The following LPP variants were observed in gnomAD, a reference collection of about 807,000 sequenced individuals.
LPP encodes lipoma-preferred partner.
A neutral mutation model predicts 60.4 loss-of-function variants in LPP; 38 were observed. The observed-to-expected ratio is 0.63, with a 90% confidence interval of 0.49 to 0.83. The LOEUF is 0.83. LPP is among the 40% of genes least tolerant of loss of function. The pLI is 0.00. For synonymous variants in LPP, 328 were observed against 290.8 expected (o/e 1.13, Z -1.30); for missense variants, 902 against 783.6 (o/e 1.15, Z -1.80).
intron 9 of LPP, 123 bp from the exon 10 acceptor site, chr3:188,866,077 A>T (rs987080387): frequency 1.3e-5 from 9 of 673,336 alleles, no homozygotes; most frequent in South Asian, 1.0e-4. Context: ...GTAAATGGTG[A>T]TAAATGCCTT....
chr3:188,319,617 C>CA (rs1391731372), intron 2 of LPP, among the ~76,000 whole-genome samples: 3 of 152,088 alleles, frequency 2.0e-5, no homozygotes, highest in African/African-American at 7.2e-5. Flanking sequence ...TAGCTGGAGG[C>CA]AGTTTAAGGG....
intron 9 of LPP, among the ~76,000 whole-genome samples, chr3:188,843,833 C>T (rs1760777257): frequency 6.6e-6 from 1 of 151,106 alleles, no homozygotes; most frequent in African/African-American, 2.4e-5. Flanking sequence ...TTTCAGTTGC[C>T]CCTGCAGTCC....
intron 7 of LPP, among the ~76,000 whole-genome samples, chr3:188,662,478 T>C (rs1334630770): frequency 2.6e-5 from 4 of 152,254 alleles, no homozygotes; most frequent in Admixed American, 2.6e-4. Context: ...AGAATTTGTT[T>C]CATTTCTGTT....
chr3:188,250,780 TTCTTTCTG>T lies in LPP; in HGVS notation c.-67+25261_-67+25268del, dbSNP rs1359916491. On this transcript the variant is annotated intron_variant, in intron 2 of 11. Transcript: ENST00000617246. Reference sequence around the variant, plus strand: ...TTTCTTTCTTTCTTTCTTTCTTTCTTTCTTTCTGTCTTTCTCTTTCTTTCTTTCTCTTT... The same window carrying T: ...TTTCTTTCTTTCTTTCTTTCTTTCTTTCTTTCTCTTTCTTTCTTTCTCTTT... Among the ~76,000 whole-genome samples the T allele has an allele frequency of 2.8e-4, 26 of 93,798 alleles. 2 individuals carry two copies. In the South Asian group the frequency reaches 7.9e-3, roughly 29 times the overall value. 61.5% of individuals were successfully genotyped at this position (93,798 alleles called of 152,430 possible).
chr3:188,424,420 A>G (rs567573005), intron 4 of LPP, among the ~76,000 whole-genome samples: 1 of 152,036 alleles, frequency 6.6e-6, no homozygotes, highest in African/African-American at 2.4e-5. Context: ...TTTGCTTAGG[A>G]TTGTTGGGTC....
chr3:188,202,728 T>G (rs1731423101), intron 1 of LPP, among the ~76,000 whole-genome samples: 1 of 152,168 alleles, frequency 6.6e-6, no homozygotes, highest in Non-Finnish European at 1.5e-5. Context: ...TTGGATGGGC[T>G]TTCGAGGTTG....
At chr3:188,459,483 G>T (rs778506733) in intron 4 of LPP, among the ~76,000 whole-genome samples, 14 of 152,070 alleles carry the variant, frequency 9.2e-5, no homozygotes, top group Non-Finnish European at 1.6e-4. Flanking sequence ...ATAAACTAGC[G>T]TGTCTCAGAA....
At chr3:188,246,955 C>T (rs1727180021) in intron 2 of LPP, among the ~76,000 whole-genome samples, 1 of 152,072 alleles carries the variant, frequency 6.6e-6, no homozygotes, top group Non-Finnish European at 1.5e-5. Flanking sequence ...GAGCCAAGAC[C>T]TGGAGAGAGA....
chr3:188,804,287 T>A (rs921657321), intron 9 of LPP, among the ~76,000 whole-genome samples: 2 of 46,806 alleles, frequency 4.3e-5, no homozygotes, highest in Non-Finnish European at 8.0e-5. Context: ...ATATATAAAA[T>A]GGAATACAAT....
At chr3:188,839,228 TC>T (rs1467381036) in intron 9 of LPP, among the ~76,000 whole-genome samples, 1 of 152,202 alleles carries the variant, frequency 6.6e-6, no homozygotes, top group African/African-American at 2.4e-5. Flanking sequence ...TCTGAAACTG[TC>T]CTACAGTGTA....
intron 1 of LPP, among the ~76,000 whole-genome samples, chr3:188,203,546 TATATTTTTAA>T (rs1732089581): frequency 9.8e-6 from 1 of 102,066 alleles, no homozygotes; most frequent in Non-Finnish European, 1.8e-5. Flanking sequence ...TAAATATATA[TATATTTTTAA>T]ATATATATAA....
At chr3:188,461,738 T>C (rs1172475197) in intron 4 of LPP, among the ~76,000 whole-genome samples, 1 of 152,222 alleles carries the variant, frequency 6.6e-6, no homozygotes, top group Admixed American at 6.5e-5. Flanking sequence ...CACAGATTTT[T>C]ATATATGCCT....
At chr3:188,711,831 A>G (rs1711618311) in intron 8 of LPP, 1 of 152,202 alleles carries the variant, frequency 6.6e-6, no homozygotes, top group Admixed American at 6.5e-5. Flanking sequence ...AGAAAAAGGA[A>G]AGAGAAAATC....
chr3:188,592,557 G>GTTTGTT (rs1260656926), intron 6 of LPP, among the ~76,000 whole-genome samples: 11 of 85,754 alleles, frequency 1.3e-4, no homozygotes, highest in African/African-American at 3.2e-4. Flanking sequence ...TTTTGTTTTT[G>GTTTGTT]TTTTTTAAAT....
At chr3:188,840,782 G>T (rs1759756710) in intron 9 of LPP, among the ~76,000 whole-genome samples, 1 of 152,152 alleles carries the variant, frequency 6.6e-6, no homozygotes, top group Admixed American at 6.5e-5. Context: ...TACCAGTGAA[G>T]TGGCTTGCCC....
At chr3:188,706,383 A>G (rs1865484338) in intron 7 of LPP, among the ~76,000 whole-genome samples, 1 of 152,166 alleles carries the variant, frequency 6.6e-6, no homozygotes, top group Non-Finnish European at 1.5e-5. Flanking sequence ...CTCATCTCTA[A>G]TCCAAATTGT....
chr3:188,569,212 T>C (rs1560576647), intron 6 of LPP: 1 of 151,844 alleles, frequency 6.6e-6, no homozygotes, highest in African/African-American at 2.4e-5. Context: ...CGCTTACAAT[T>C]GGATTCGGTG....
chr3:188,694,923 GGTT>G (rs1862925355), intron 7 of LPP, among the ~76,000 whole-genome samples: 1 of 152,166 alleles, frequency 6.6e-6, no homozygotes. Context: ...TAAGTGGATG[GGTT>G]GTTAAATCTC....
At chr3:188,401,005 G>A (rs555500849) in intron 3 of LPP, among the ~76,000 whole-genome samples, 7 of 152,130 alleles carry the variant, frequency 4.6e-5, no homozygotes, top group African/African-American at 1.2e-4. Flanking sequence ...GAGAAAGAAA[G>A]CACTCTAAAA....
Sources: allele counts gnomAD v4.1 joint callset (sites outside exome capture counted in the v4.1 genomes callset), GRCh38; gene constraint gnomAD v4.1.1; transcripts MANE v1.5; gene names NCBI Gene and HGNC (gene_info 2026-07-23, HGNC 2026-07-21).